POLA1: variants seen among roughly 807,000 people sequenced by gnomAD.
The protein encoded by POLA1 is DNA polymerase alpha catalytic subunit.
Under a neutral mutation model 124.0 loss-of-function variants are expected in POLA1, and 15 were observed. That is an observed-to-expected ratio of 0.12 (90% CI 0.08 to 0.19). The LOEUF is 0.19. Ranked by LOEUF, POLA1 falls within the 10% of genes least tolerant of loss-of-function variation. The probability of loss-of-function intolerance (pLI) is 1.00; values close to 1 mark genes in which losing one functional copy is unlikely to be tolerated. For synonymous variants in POLA1, 408 were observed against 389.4 expected, an observed-to-expected ratio of 1.05 and a Z score of -0.56; for missense variants, 886 against 1,103.4, an observed-to-expected ratio of 0.80 and a Z score of 2.79.
intron 30 of POLA1, among the ~76,000 whole-genome samples, chrX:24,816,300 G>A (rs780283777): frequency 8.9e-6 from 1 of 112,312 alleles, no homozygotes; most frequent in South Asian, 3.7e-4. Flanking sequence ...ATAAAACTTT[G>A]CTACCATAAT....
At chrX:24,828,080 A>G (rs2046202543) in intron 32 of POLA1, among the ~76,000 whole-genome samples, 1 of 112,577 alleles carries the variant, frequency 8.9e-6, no homozygotes, top group African/African-American at 3.2e-5. Flanking sequence ...TAGGAAGATA[A>G]AATTCTACCA....
chrX:24,889,540 A>G (rs764098461), intron 35 of POLA1, among the ~76,000 whole-genome samples: 1 of 112,621 alleles, frequency 8.9e-6, no homozygotes, highest in South Asian at 3.7e-4. Flanking sequence ...GAAGATTTGT[A>G]AGGTTTTTAG....
chrX:24,740,779 C>T (rs138113075), intron 20 of POLA1, among the ~76,000 whole-genome samples: 1,191 of 111,730 alleles, frequency 0.011, 8 homozygotes, highest in Non-Finnish European at 0.015. Flanking sequence ...GGCTTGCTCC[C>T]TCACCTCTTC....
chrX:24,747,718 G>A (rs1932090879), intron 24 of POLA1, among the ~76,000 whole-genome samples: 1 of 103,073 alleles, frequency 9.7e-6, no homozygotes, highest in South Asian at 4.3e-4. Flanking sequence ...GATAGCATGT[G>A]TAAAAATGTA....
At chrX:24,787,497 C>A (rs770158009) in intron 26 of POLA1, among the ~76,000 whole-genome samples, 2 of 111,814 alleles carry the variant, frequency 1.8e-5, no homozygotes, top group African/African-American at 6.5e-5. Flanking sequence ...GAGTTCTTGA[C>A]CCTCTTGTCA....
At chrX:24,889,552 GAGA>G (rs1310169120) in intron 35 of POLA1, among the ~76,000 whole-genome samples, 3 of 112,628 alleles carry the variant, frequency 2.7e-5, no homozygotes, top group Non-Finnish European at 5.6e-5. Context: ...GGTTTTTAGT[GAGA>G]AGAAGGTGAG....
chrX:24,925,627 G>T (rs974248146), intron 35 of POLA1, among the ~76,000 whole-genome samples: 2 of 112,382 alleles, frequency 1.8e-5, no homozygotes, highest in African/African-American at 6.5e-5. Flanking sequence ...CTGAACATTT[G>T]CATGCCCTAT....
At chrX:24,933,941 A>T (rs1422274601) in intron 36 of POLA1, among the ~76,000 whole-genome samples, 2 of 112,526 alleles carry the variant, frequency 1.8e-5, no homozygotes, top group Non-Finnish European at 3.7e-5. Context: ...TAACTGCATT[A>T]CATTTTTAAA....
At chrX:24,981,385 G>A (rs2048418683) in intron 36 of POLA1, among the ~76,000 whole-genome samples, 1 of 112,061 alleles carries the variant, frequency 8.9e-6, no homozygotes, top group Non-Finnish European at 1.9e-5. Context: ...TTGATTTGTA[G>A]AAGTCTCAGT....
intron 34 of POLA1, among the ~76,000 whole-genome samples, chrX:24,876,686 G>T (rs7892109): frequency 6.2e-4 from 65 of 105,024 alleles, no homozygotes; most frequent in Non-Finnish European, 4.3e-4. Flanking sequence ...GGGGTCGGGG[G>T]GGGGGATAGT....
intron 34 of POLA1, among the ~76,000 whole-genome samples, chrX:24,865,465 C>T (rs7062002): frequency 0.056 from 6,261 of 111,724 alleles, 304 homozygotes; most frequent in African/African-American, 0.16. Flanking sequence ...CCAACATTCA[C>T]TGATATTGCT....
intron 36 of POLA1, among the ~76,000 whole-genome samples, chrX:24,987,606 T>C (rs2048493295): frequency 8.9e-6 from 1 of 111,872 alleles, no homozygotes; most frequent in African/African-American, 3.3e-5. Flanking sequence ...TAATCAAAAA[T>C]GTTCATCTTT....
chrX:24,907,231 A>C (rs1276941938), intron 35 of POLA1, among the ~76,000 whole-genome samples: 1 of 110,981 alleles, frequency 9.0e-6, no homozygotes, highest in African/African-American at 3.3e-5. Context: ...AGAAGACAGG[A>C]AAAGACTGGG....
chrX:24,992,997 T>A, intron 36 of POLA1, among the ~76,000 whole-genome samples: 1 of 112,505 alleles, frequency 8.9e-6, no homozygotes, highest in Non-Finnish European at 1.9e-5. Context: ...TAGGCTACCC[T>A]TTTTTTCCAT....
chrX:24,808,648 A>G (rs1214842242), intron 26 of POLA1, among the ~76,000 whole-genome samples: 1 of 111,598 alleles, frequency 9.0e-6, no homozygotes, highest in African/African-American at 3.3e-5. Context: ...GTCTAAGAAC[A>G]TAATATTAAT....
intron 4 of POLA1, among the ~76,000 whole-genome samples, chrX:24,708,371 A>G (rs1928954926): frequency 1.4e-5 from 1 of 70,484 alleles, no homozygotes. Flanking sequence ...TCATGAAAAT[A>G]CTTTTTTTTT....
At chrX:24,974,489 T>C (rs1302218806) in intron 36 of POLA1, among the ~76,000 whole-genome samples, 1 of 111,663 alleles carries the variant, frequency 9.0e-6, no homozygotes, top group Non-Finnish European at 1.9e-5. Context: ...AAGAATGAGT[T>C]CATGTACTTT....
chrX:24,765,726 G>C (rs1450954759), intron 26 of POLA1, among the ~76,000 whole-genome samples: 1 of 111,809 alleles, frequency 8.9e-6, no homozygotes, highest in Non-Finnish European at 1.9e-5. Flanking sequence ...ATATACCCAT[G>C]TGCCAATTTT....
rs184037274 is a variant in POLA1, at chrX:24,834,480, A to G, written c.3737-7172A>G. On this transcript the variant is annotated intron_variant, in intron 32 of 36. Coordinates refer to ENST00000379068, the MANE Select transcript of POLA1 (RefSeq NM_001330360.2). ...TTAAATTGGATCTGTAGTATTTTAAAAACTTGTTGGGCTGGGCATGGTGGC... is the reference window on the plus strand; with the variant it reads ...TTAAATTGGATCTGTAGTATTTTAAGAACTTGTTGGGCTGGGCATGGTGGC... Among the ~76,000 whole-genome samples the G allele has an allele frequency of 2.0e-4, 23 of 112,272 alleles. No individual in the cohort carries two copies. The East Asian group carries it at 5.8e-3, about 29-fold the overall frequency.
Sources: gnomAD v4.1 joint callset for allele counts (sites outside exome capture counted in the v4.1 genomes callset) on GRCh38, gnomAD v4.1.1 for gene constraint, MANE v1.5 for transcripts, NCBI Gene and HGNC (gene_info 2026-07-23, HGNC 2026-07-21) for gene names.